The following ARHGAP18 variants were observed in gnomAD, a reference collection of about 807,000 sequenced individuals.
ARHGAP18 encodes rho GTPase-activating protein 18.
In ARHGAP18, 67 loss-of-function variants were observed where a neutral mutation model predicts 86.2. The ratio of observed to expected loss-of-function variants is 0.78; its 90% CI spans 0.64 to 0.95. The LOEUF is 0.95. ARHGAP18 is among the 40% of genes least tolerant of loss of function. The probability of loss-of-function intolerance (pLI) is 0.00; values close to 1 mark genes in which losing one functional copy is unlikely to be tolerated. For synonymous variants in ARHGAP18, 283 were observed against 280.4 expected (o/e 1.01, Z -0.09); for missense variants, 691 against 780.4 (o/e 0.89, Z 1.37).
At chr6:129,679,992 G>A (rs1002986192) in intron 1 of ARHGAP18, among the ~76,000 whole-genome samples, 2 of 152,030 alleles carry the variant, frequency 1.3e-5, no homozygotes, top group East Asian at 1.9e-4. Context: ...TTCAATCTCC[G>A]CCTCCATCTT....
intron 2 of ARHGAP18, among the ~76,000 whole-genome samples, chr6:129,639,193 T>A (rs1452871215): frequency 2.0e-5 from 2 of 98,500 alleles, no homozygotes; most frequent in African/African-American, 3.1e-5. Context: ...TTTTACAATG[T>A]TTTTTTAAAA....
Position 129,633,129 on chromosome 6 carries a change from C to G in ARHGAP18, c.616+913G>C, listed in dbSNP as rs1008966096. Among the ~76,000 whole-genome samples, 3 of 151,944 alleles carry G rather than the reference C, an allele frequency of 2.0e-5. No homozygotes were observed. The South Asian group carries it at 6.2e-4, about 32-fold the overall frequency. Reference sequence around the variant, plus strand: ...TCTCTCTTAGTAAGTACTAATAAAGCCTTAATAGTAACTTTTGGCTGGGCA... The same window carrying G: ...TCTCTCTTAGTAAGTACTAATAAAGGCTTAATAGTAACTTTTGGCTGGGCA... On this transcript the variant is annotated intron_variant, in intron 4 of 14. Coordinates refer to ENST00000368149, the MANE Select transcript of ARHGAP18 (RefSeq NM_033515.3).
At position 129,662,229 on chromosome 6, in the gene ARHGAP18, C is replaced by T. The variant is rs79806795; in HGVS notation, c.114-20211G>A. 4.5e-3 allele frequency among the ~76,000 whole-genome samples: 682 copies of T among 152,356 alleles called. 3 individuals carry two copies. The highest frequency in any genetic ancestry group is 0.015 in the African/African-American group (644 of 41,586). ...CTCTTTTATGTGGGAGGATAGCGCACATGAATACAAATATGGCAGAAGATG... is the reference window on the plus strand; with the variant it reads ...CTCTTTTATGTGGGAGGATAGCGCATATGAATACAAATATGGCAGAAGATG... On this transcript the variant is annotated intron_variant, in intron 1 of 14. Transcript: ENST00000368149.
At chr6:129,698,246 T>C (rs904121969) in intron 1 of ARHGAP18, among the ~76,000 whole-genome samples, 1 of 152,222 alleles carries the variant, frequency 6.6e-6, no homozygotes, top group Non-Finnish European at 1.5e-5. Flanking sequence ...TGTTTAAACA[T>C]GTATTCATTT....
intron 1 of ARHGAP18, among the ~76,000 whole-genome samples, chr6:129,651,982 G>C (rs1203796412): frequency 3.3e-5 from 5 of 152,204 alleles, no homozygotes; most frequent in Admixed American, 1.3e-4. Flanking sequence ...TGGTGAGAAG[G>C]TGCCATCCGT....
At chr6:129,683,444 C>CT (rs1022310019) in intron 1 of ARHGAP18, among the ~76,000 whole-genome samples, 1 of 152,094 alleles carries the variant, frequency 6.6e-6, no homozygotes, top group African/African-American at 2.4e-5. Flanking sequence ...CAAGTACGGG[C>CT]TTTTTTTCCC....
At chr6:129,667,715 G>A (rs1774068460) in intron 1 of ARHGAP18, among the ~76,000 whole-genome samples, 4 of 151,940 alleles carry the variant, frequency 2.6e-5, no homozygotes. Flanking sequence ...AGGGCAAGGA[G>A]AAACTGACAA....
chr6:129,586,478 T>C (rs1201018740), intron 12 of ARHGAP18, among the ~76,000 whole-genome samples: 1 of 152,134 alleles, frequency 6.6e-6, no homozygotes, highest in African/African-American at 2.4e-5. Context: ...CAGATAGCCA[T>C]GCACTTTATA....
intron 13 of ARHGAP18, among the ~76,000 whole-genome samples, chr6:129,581,466 G>A (rs565618890): frequency 6.6e-6 from 1 of 152,204 alleles, no homozygotes; most frequent in Admixed American, 6.5e-5. Flanking sequence ...TAGGTCTAAA[G>A]AGAGTCCCTA....
intron 1 of ARHGAP18, among the ~76,000 whole-genome samples, chr6:129,686,549 A>G (rs1414314516): frequency 2.6e-5 from 4 of 152,226 alleles, no homozygotes; most frequent in East Asian, 3.8e-4. Flanking sequence ...GGCTCCTCAC[A>G]GGGCACCGAC....
At chr6:129,583,928 CGA>C (rs142019329) in intron 13 of ARHGAP18, 58 bp downstream of exon 13, 2,112 of 1,388,532 alleles carry the variant, frequency 1.5e-3, no homozygotes, top group South Asian at 4.3e-3. Context: ...GCAGCGAAGG[CGA>C]GAGAGAGAGA....
At chr6:129,666,999 TA>T (rs11353429) in intron 1 of ARHGAP18, among the ~76,000 whole-genome samples, 4,951 of 151,658 alleles carry the variant, frequency 0.033, 252 homozygotes, top group African/African-American at 0.11. Context: ...ACTCCTTTGT[TA>T]AAAAAAAATT....
chr6:129,690,241 G>A (rs939616462), intron 1 of ARHGAP18, among the ~76,000 whole-genome samples: 3 of 152,062 alleles, frequency 2.0e-5, no homozygotes, highest in Admixed American at 2.0e-4. Flanking sequence ...TACATGCAGT[G>A]CCTAAAGTGT....
chr6:129,694,107 T>C (rs1243181510), intron 1 of ARHGAP18, among the ~76,000 whole-genome samples: 1 of 152,130 alleles, frequency 6.6e-6, no homozygotes, highest in Non-Finnish European at 1.5e-5. Context: ...TTTCTCCAAA[T>C]ACCAAAGGGA....
At chr6:129,622,958 G>C (rs528233638) in intron 5 of ARHGAP18, among the ~76,000 whole-genome samples, 1 of 133,544 alleles carries the variant, frequency 7.5e-6, no homozygotes, top group Non-Finnish European at 1.5e-5. Context: ...CCGAGATCGC[G>C]CCATTGCACT....
rs192430465 is a variant in ARHGAP18 at position 129,600,203 on chromosome 6, C to T, written c.1572+439G>A. Among the ~76,000 whole-genome samples the T allele has an allele frequency of 2.8e-3, 421 of 152,232 alleles. 1 individual carries two copies. The highest frequency in any genetic ancestry group is 9.1e-3 in the African/African-American group (380 of 41,548). On this transcript the variant is annotated intron_variant, in intron 11 of 14. Transcript: ENST00000368149. ...TTTCATTGGAAAATGAGCACCTAAT[C>T]AACGAAGCCTCTCATCCACTTCCAT... is the stretch of plus-strand genomic sequence containing the variant.
intron 7 of ARHGAP18, among the ~76,000 whole-genome samples, chr6:129,612,559 A>G (rs994381313): frequency 1.3e-5 from 2 of 152,194 alleles, no homozygotes; most frequent in African/African-American, 4.8e-5. Context: ...GAGTATCAAA[A>G]GAATGTAAAA....
At chr6:129,598,210 T>TA (rs1042349366) in intron 12 of ARHGAP18, among the ~76,000 whole-genome samples, 20 of 152,230 alleles carry the variant, frequency 1.3e-4, no homozygotes, top group South Asian at 4.1e-4. Flanking sequence ...AAGGCCTTTC[T>TA]AAAAAAATAA....
At chr6:129,606,110 T>C (rs889634471) in intron 9 of ARHGAP18, 151 bp from the exon 10 acceptor site, 1 of 695,562 alleles carries the variant, frequency 1.4e-6, no homozygotes, top group Admixed American at 2.5e-5. Flanking sequence ...TTGTTGAGAG[T>C]GTGTTTGTGG....
Sources: allele counts gnomAD v4.1 joint callset (sites outside exome capture counted in the v4.1 genomes callset), GRCh38; gene constraint gnomAD v4.1.1; transcripts MANE v1.5; gene names NCBI Gene and HGNC (gene_info 2026-07-23, HGNC 2026-07-21).